Variants in FAM124B observed in about 807,000 individuals in gnomAD.
FAM124B encodes protein FAM124B.
Under a neutral mutation model 19.7 loss-of-function variants are expected in FAM124B, and 18 were observed. The ratio of observed to expected loss-of-function variants is 0.92; its 90% confidence interval spans 0.63 to 1.36. The LOEUF (loss-of-function observed/expected upper bound fraction) is 1.36. Among genes scored for constraint, FAM124B ranks in the 40% most tolerant of loss-of-function variants. FAM124B has a pLI of 0.00. For missense variants in FAM124B, 540 were observed against 553.3 expected (o/e 0.98, Z 0.24); for synonymous variants, 223 against 225.2 (o/e 0.99, Z 0.09).
At chr2:224,383,092 A>G (rs1317283823) in intron 1 of FAM124B, among the ~76,000 whole-genome samples, 1 of 152,108 alleles carries the variant, frequency 6.6e-6, no homozygotes, top group South Asian at 2.1e-4. Flanking sequence ...CATAGGAGAA[A>G]TTTCTGTTCC....
At chr2:224,387,987 G>A (rs1324835845) in intron 1 of FAM124B, among the ~76,000 whole-genome samples, 1 of 152,210 alleles carries the variant, frequency 6.6e-6, no homozygotes, top group Non-Finnish European at 1.5e-5. Flanking sequence ...ACCAGTTTCT[G>A]TATATACCTT....
chr2:224,397,216 G>A (rs541762900), intron 1 of FAM124B, among the ~76,000 whole-genome samples: 1 of 152,268 alleles, frequency 6.6e-6, no homozygotes, highest in East Asian at 1.9e-4. Context: ...TCGTGATAGA[G>A]AATGAGTCTC....
Position 224,401,346 on chromosome 2 carries a change from C to G in FAM124B, c.423G>C (p.Thr141=), listed in dbSNP as rs777463842. ...VHCGSEILRV[T]LYCSFDNYED... ...CATAGTTATCAAAACTGCAGTACAGCGTCACCCTCAGGATCTCGGAGCCAC... is the reference window on the plus strand; with the variant it reads ...CATAGTTATCAAAACTGCAGTACAGGGTCACCCTCAGGATCTCGGAGCCAC... Residue 141 remains threonine (T), a synonymous_variant, in exon 1 of 2, where the codon ACG becomes ACC. Transcript: ENST00000409685. 1.9e-6 allele frequency: 3 copies of G among 1,614,052 alleles called. No homozygotes were observed. Among genetic ancestry groups the G allele is most frequent in the Non-Finnish European group, 2.5e-6 (3 of 1,180,012 alleles).
rs1253680408 is a variant in FAM124B, at chr2:224,400,497, C to T, written c.732+540G>A. 1.3e-5 allele frequency: 9 copies of T among 693,280 alleles called. No individual in the cohort carries two copies. In the South Asian group the frequency reaches 1.4e-4, roughly 11 times the overall value. 42.9% of individuals were successfully genotyped at this position (693,280 alleles called of 1,614,324 possible). Reference sequence around the variant, plus strand: ...CTCGAGTCTGGGCAACAGAGGAAGACTCCCATCTCTAAAAAATAAAAAAAT... The same window carrying T: ...CTCGAGTCTGGGCAACAGAGGAAGATTCCCATCTCTAAAAAATAAAAAAAT... On this transcript the variant is annotated intron_variant, in intron 1 of 1. Coordinates refer to ENST00000409685, the MANE Select transcript of FAM124B (RefSeq NM_001122779.2).
chr2:224,400,841 G>A (rs1270030036), intron 1 of FAM124B, among the ~76,000 whole-genome samples, 196 bp downstream of exon 1: 11 of 152,156 alleles, frequency 7.2e-5, no homozygotes, highest in Admixed American at 7.2e-4. Flanking sequence ...AGTCATCCAA[G>A]AAGCTGTAAA....
intron 1 of FAM124B, among the ~76,000 whole-genome samples, chr2:224,391,341 CAA>C (rs754536476): frequency 7.1e-4 from 48 of 67,340 alleles, no homozygotes; most frequent in Admixed American, 1.3e-3. Flanking sequence ...ACTCTTGTCT[CAA>C]AAAAAAAAAA....
chr2:224,400,281 A>G, intron 1 of FAM124B: 2 of 518,208 alleles, frequency 3.9e-6, no homozygotes, highest in Non-Finnish European at 6.8e-6. Flanking sequence ...AAATTAAGTC[A>G]ATAGTACTGC....
chr2:224,401,346 C>A lies in FAM124B; in HGVS notation c.423G>T (p.Thr141=). The stretch of plus-strand genomic sequence containing the variant: ...CATAGTTATCAAAACTGCAGTACAG[C>A]GTCACCCTCAGGATCTCGGAGCCAC... The part of the protein sequence containing the change: ...VHCGSEILRV[T]LYCSFDNYED... The change falls in exon 1 of 2, where the codon ACG becomes ACT. Residue 141 remains threonine, a synonymous_variant. Transcript: ENST00000409685. The A allele has an allele frequency of 6.2e-7, 1 of 1,614,052 alleles. No individual in the cohort carries two copies. The highest frequency in any genetic ancestry group is 2.2e-5 in the East Asian group (1 of 44,868).
intron 1 of FAM124B, among the ~76,000 whole-genome samples, chr2:224,387,587 T>G (rs1484594275): frequency 6.6e-6 from 1 of 152,206 alleles, no homozygotes; most frequent in East Asian, 1.9e-4. Flanking sequence ...TTTCATCAAT[T>G]GGCCAAAACC....
chr2:224,398,028 C>A (rs111806360), intron 1 of FAM124B, among the ~76,000 whole-genome samples: 1 of 152,052 alleles, frequency 6.6e-6, no homozygotes, highest in Non-Finnish European at 1.5e-5. Context: ...TCCCAAGCCA[C>A]GTGGAACTGT....
intron 1 of FAM124B, among the ~76,000 whole-genome samples, chr2:224,388,734 T>C (rs528413551): frequency 6.6e-5 from 10 of 152,226 alleles, no homozygotes; most frequent in Non-Finnish European, 1.0e-4. Flanking sequence ...TTATGTGTAT[T>C]TTACCACAAT....
At position 224,401,408 on chromosome 2, in the gene FAM124B, T is replaced by G; in HGVS notation, c.361A>C (p.Ser121Arg). The change falls in exon 1 of 2, where the codon AGT becomes CGT. Residue 121 changes from serine (S) to arginine (R), a missense_variant. Coordinates refer to ENST00000409685, the MANE Select transcript of FAM124B (RefSeq NM_001122779.2). ...FANQEFYSLDSQLPIWGVRQV... is the reference protein window; with the variant it reads ...FANQEFYSLDRQLPIWGVRQV... ...CTCACCCCCCAGATGGGCAGCTGAC[T>G]GTCCAGGCTGTAGAACTCCTGATTG... 1 of 1,614,088 alleles carries G rather than the reference T, an allele frequency of 6.2e-7. No homozygotes were observed. Among genetic ancestry groups the G allele is most frequent in the Non-Finnish European group, 8.5e-7 (1 of 1,180,008 alleles).
At chr2:224,396,127 C>A (rs1193098603) in intron 1 of FAM124B, among the ~76,000 whole-genome samples, 2 of 152,130 alleles carry the variant, frequency 1.3e-5, no homozygotes, top group African/African-American at 4.8e-5. Flanking sequence ...CAAAAAGTCC[C>A]CCCGCTCTTG....
Position 224,378,926 on chromosome 2 carries a change from A to C in FAM124B, c.*647T>G, listed in dbSNP as rs1303896384. On this transcript the variant is annotated 3_prime_UTR_variant, in exon 2 of 2. Coordinates refer to ENST00000409685, the MANE Select transcript of FAM124B (RefSeq NM_001122779.2). ...AGAAACAAATGAGAAGCAGATGAGC[A>C]GGAAAGCCCTAGAGCCTAGCATTCA... 6.6e-6 allele frequency: 1 copy of C among 152,346 alleles called. No homozygotes were observed. Among genetic ancestry groups the C allele is most frequent in the Non-Finnish European group, 1.5e-5 (1 of 68,134 alleles). The allele number at this position is 152,346 out of a possible 1,614,324, so 9.4% of individuals were successfully genotyped here.
Position 224,401,545 on chromosome 2 carries a change from T to C in FAM124B, c.224A>G (p.Glu75Gly), listed in dbSNP as rs1453183515. ...PGMSVLLFLH[E>G]SPGEDRLFRV... ...AAATAGCCTATCCTCTCCCGGGCTT[T>C]CGTGCAGGAAGAGCAACACGGACAT... The change falls in exon 1 of 2, where the codon GAA (glutamate) becomes GGA (glycine). Residue 75 changes from glutamate to glycine, a missense_variant. Glu to Gly is a moderately conservative substitution (Grantham distance 98, BLOSUM62 -2). Transcript: ENST00000409685. 3.1e-6 allele frequency: 5 copies of C among 1,614,018 alleles called. No homozygotes were observed. Among genetic ancestry groups the C allele is most frequent in the Non-Finnish European group, 3.4e-6 (4 of 1,179,998 alleles).
rs1180229973 is a variant in FAM124B, at chr2:224,402,028, T to C, written c.-260A>G. The C allele has an allele frequency of 2.1e-6, 1 of 470,296 alleles. No homozygotes were observed. Among genetic ancestry groups the C allele is most frequent in the African/African-American group, 1.9e-5 (1 of 52,128 alleles). 29.1% of individuals were successfully genotyped at this position (470,296 alleles called of 1,614,324 possible). Reference sequence around the variant, plus strand: ...AGCAGCGGGGTCACGTCATCCAGCTTGTGCATAATGTAACTGCTTGTGTTT... The same window carrying C: ...AGCAGCGGGGTCACGTCATCCAGCTCGTGCATAATGTAACTGCTTGTGTTT... On this transcript the variant is annotated 5_prime_UTR_variant, in exon 1 of 2. Transcript: ENST00000409685.
chr2:224,395,079 G>C (rs575635925), intron 1 of FAM124B, among the ~76,000 whole-genome samples: 2 of 152,248 alleles, frequency 1.3e-5, no homozygotes, highest in Non-Finnish European at 2.9e-5. Context: ...TTTGCCTACT[G>C]TACATCAAAC....
At chr2:224,383,339 A>G (rs1408727766) in intron 1 of FAM124B, among the ~76,000 whole-genome samples, 1 of 152,052 alleles carries the variant, frequency 6.6e-6, no homozygotes, top group Non-Finnish European at 1.5e-5. Context: ...TTCTTATCAC[A>G]TACACCCGAC....
At chr2:224,389,539 T>C (rs1379082594) in intron 1 of FAM124B, among the ~76,000 whole-genome samples, 2 of 151,840 alleles carry the variant, frequency 1.3e-5, no homozygotes, top group African/African-American at 4.8e-5. Context: ...ATGTGGGGGT[T>C]CTGAGAAAAA....
Sources: allele counts gnomAD v4.1 joint callset (sites outside exome capture counted in the v4.1 genomes callset), GRCh38; gene constraint gnomAD v4.1.1; transcripts MANE v1.5; gene names NCBI Gene and HGNC (gene_info 2026-07-23, HGNC 2026-07-21).